The following SAE1 variants were observed in gnomAD, a reference collection of about 807,000 sequenced individuals.
The protein encoded by SAE1 is SUMO-activating enzyme subunit 1.
In SAE1, 11 loss-of-function variants were observed where a neutral mutation model predicts 40.6. That is an observed-to-expected ratio of 0.27 (90% CI 0.17 to 0.45). The LOEUF is 0.45. Among genes scored for constraint, SAE1 ranks in the 20% least tolerant of loss-of-function variants. SAE1 has a pLI of 1.00. For missense variants in SAE1, 373 were observed against 427.3 expected (o/e 0.87, Z 1.12); for synonymous variants, 155 against 154.3 (o/e 1.00, Z -0.03).
chr19:47,160,330 T>G (rs2058351877), intron 5 of SAE1, among the ~76,000 whole-genome samples: 1 of 148,442 alleles, frequency 6.7e-6, no homozygotes, highest in Non-Finnish European at 1.5e-5. Flanking sequence ...TAAGCGATTC[T>G]CCTGCGTTAG....
intron 6 of SAE1, among the ~76,000 whole-genome samples, chr19:47,190,251 C>T (rs1206227382): frequency 6.6e-6 from 1 of 152,178 alleles, no homozygotes; most frequent in African/African-American, 2.4e-5. Flanking sequence ...GGTAGAGCAC[C>T]TCTCTATCCC....
At chr19:47,191,856 C>G (rs972249620) in intron 6 of SAE1, among the ~76,000 whole-genome samples, 1 of 152,018 alleles carries the variant, frequency 6.6e-6, no homozygotes, top group African/African-American at 2.4e-5. Context: ...GAGATCGAGA[C>G]CATCCTGGCT....
At position 47,150,387 on chromosome 19, in the gene SAE1, A is replaced by T. The variant is rs754526712; in HGVS notation, c.384+12A>T. The stretch of plus-strand genomic sequence containing the variant: ...CTCAATTCGATGCTGTAAGTTTCTT[A>T]TTATAAAATCTGCTGTGGGAATTAA... On this transcript the variant is annotated intron_variant, in intron 3 of 8. Coordinates refer to ENST00000270225, the MANE Select transcript of SAE1 (RefSeq NM_005500.3). The T allele has an allele frequency of 6.3e-7, 1 of 1,589,306 alleles. No homozygotes were observed. The highest frequency in any genetic ancestry group is 8.6e-7 in the Non-Finnish European group (1 of 1,167,102).
intron 1 of SAE1, among the ~76,000 whole-genome samples, chr19:47,138,052 T>A (rs2058193310): frequency 1.3e-5 from 2 of 151,512 alleles, no homozygotes; most frequent in African/African-American, 4.9e-5. Context: ...TTTATTTTTT[T>A]ATTTTTTTGA....
rs184719232 is a variant in SAE1 at position 47,142,595 on chromosome 19, G to C, written c.99-899G>C. On this transcript the variant is annotated intron_variant, in intron 1 of 8. Coordinates refer to ENST00000270225, the MANE Select transcript of SAE1 (RefSeq NM_005500.3). The stretch of plus-strand genomic sequence containing the variant: ...TCCATCATGCCTCGAAGAAAATCCA[G>C]AATCCTTCCATTGCATGTAAGAGCC... 8 of 152,164 alleles carry C rather than the reference G, an allele frequency of 5.3e-5. No homozygotes were observed. The East Asian group carries it at 1.5e-3, about 29-fold the overall frequency. The allele number at this position is 152,164 out of a possible 1,614,324, so 9.4% of individuals were successfully genotyped here. A position where few individuals can be genotyped will look rare whatever the true frequency, so the allele number is the denominator to read the frequency against.
intron 2 of SAE1, among the ~76,000 whole-genome samples, chr19:47,144,512 G>A (rs2058242694): frequency 6.6e-6 from 1 of 151,578 alleles, no homozygotes; most frequent in Non-Finnish European, 1.5e-5. Context: ...ATCCTGGCTA[G>A]CACGGTGAAA....
At chr19:47,147,075 T>C (rs2058258791) in intron 2 of SAE1, among the ~76,000 whole-genome samples, 3 of 151,856 alleles carry the variant, frequency 2.0e-5, no homozygotes, top group Admixed American at 2.0e-4. Context: ...GATGGAAGCT[T>C]GGGGACAGCC....
intron 1 of SAE1, among the ~76,000 whole-genome samples, chr19:47,141,091 T>C (rs2058218940): frequency 6.6e-6 from 1 of 152,024 alleles, no homozygotes; most frequent in African/African-American, 2.4e-5. Context: ...AACCTCCGCC[T>C]CCCAGGTTTG....
intron 5 of SAE1, among the ~76,000 whole-genome samples, chr19:47,160,532 C>A (rs1180083843): frequency 6.6e-6 from 1 of 151,464 alleles, no homozygotes; most frequent in South Asian, 2.1e-4. Flanking sequence ...GTAGCTGGGA[C>A]TACAGATGCC....
rs558272885 is a variant in SAE1 at position 47,133,808 on chromosome 19, TG to T, written c.98+2782del. On this transcript the variant is annotated intron_variant, in intron 1 of 8. Transcript: ENST00000270225. Reference sequence around the variant, plus strand: ...TGAAAGATATGGAGAGCTGTAGGTTTGGTGGGGTCGGGGAAGAGTCAGTTCT... The same window carrying T: ...TGAAAGATATGGAGAGCTGTAGGTTTGTGGGGTCGGGGAAGAGTCAGTTCT... Among the ~76,000 whole-genome samples the T allele has an allele frequency of 4.5e-4, 69 of 152,074 alleles. 1 individual carries two copies. The highest frequency in any genetic ancestry group is 1.5e-3 in the African/African-American group (62 of 41,492).
intron 6 of SAE1, among the ~76,000 whole-genome samples, chr19:47,181,764 C>T (rs1389127402): frequency 2.0e-5 from 3 of 146,958 alleles, no homozygotes; most frequent in African/African-American, 7.5e-5. Context: ...TAAGTGTGAG[C>T]CAGTGCACCT....
In SAE1 at chr19:47,153,047, G is replaced by A. The variant is rs375977227; in HGVS notation, c.527+7G>A. 6.2e-7 allele frequency: 1 copy of A among 1,602,872 alleles called. No homozygotes were observed. On this transcript the variant is annotated splice_region_variant and intron_variant, in intron 4 of 8. Coordinates refer to ENST00000270225, the MANE Select transcript of SAE1 (RefSeq NM_005500.3). ...GAGAGCATGAGTTTGTAGAGTAAGT[G>A]TTGGGAGAGGAGGGGAGAACATAAC...
At chr19:47,204,508 C>T (rs930170736) in intron 8 of SAE1, among the ~76,000 whole-genome samples, 1 of 138,484 alleles carries the variant, frequency 7.2e-6, no homozygotes, top group African/African-American at 2.8e-5. Flanking sequence ...GCACCCCCCC[C>T]CTTTTTTTTT....
At chr19:47,167,624 A>T (rs1207888768) in intron 5 of SAE1, among the ~76,000 whole-genome samples, 1 of 152,102 alleles carries the variant, frequency 6.6e-6, no homozygotes, top group South Asian at 2.1e-4. Flanking sequence ...ATCTTGGTTC[A>T]CTTAGCTTCC....
chr19:47,157,719 G>T (rs539270098), intron 5 of SAE1, among the ~76,000 whole-genome samples: 1 of 152,274 alleles, frequency 6.6e-6, no homozygotes, highest in East Asian at 1.9e-4. Flanking sequence ...GTGGAGCTGA[G>T]CTGGAAGGTA....
rs35657499 is a variant in SAE1, at chr19:47,200,399, ATTTTTTTTTTT to A, written c.878+3036_878+3046del. 7.6e-3 allele frequency among the ~76,000 whole-genome samples: 782 copies of A among 102,566 alleles called. 5 individuals are homozygous for A. Among genetic ancestry groups the A allele is most frequent in the South Asian group, 0.03 (91 of 3,062 alleles). The allele number at this position is 102,566 out of a possible 152,430, so 67.3% of individuals were successfully genotyped here. ...AGGCGTGTACTACCAAGCCTGCCTA[ATTTTTTTTTTT>A]TTTTTTTTTTTTTGTATTGACAGGG... On this transcript the variant is annotated intron_variant, in intron 7 of 8. Coordinates refer to ENST00000270225, the MANE Select transcript of SAE1 (RefSeq NM_005500.3).
intron 6 of SAE1, among the ~76,000 whole-genome samples, chr19:47,178,754 G>A (rs2123272039): frequency 6.6e-6 from 1 of 152,328 alleles, no homozygotes; most frequent in South Asian, 2.1e-4. Context: ...TTATAGGCAT[G>A]AGCCATCGTG....
At chr19:47,170,464 T>C (rs1214278121) in intron 6 of SAE1, among the ~76,000 whole-genome samples, 2 of 149,276 alleles carry the variant, frequency 1.3e-5, no homozygotes, top group Non-Finnish European at 3.0e-5. Context: ...AGCCACCATG[T>C]GAAGCCTGAT....
At chr19:47,149,538 C>G (rs1460469745) in intron 2 of SAE1, among the ~76,000 whole-genome samples, 1 of 152,064 alleles carries the variant, frequency 6.6e-6, no homozygotes, top group African/African-American at 2.4e-5. Flanking sequence ...GTGTATTTCC[C>G]CAAATGCTTA....
Sources: allele counts gnomAD v4.1 joint callset (sites outside exome capture counted in the v4.1 genomes callset), GRCh38; gene constraint gnomAD v4.1.1; transcripts MANE v1.5; gene names NCBI Gene and HGNC (gene_info 2026-07-23, HGNC 2026-07-21).